Variants in PRSS23 observed in about 807,000 individuals in gnomAD.
PRSS23 encodes the protein protease, serine 23.
PRSS23 carries 25 observed loss-of-function variants against 34.7 expected under a neutral mutation model. The ratio of observed to expected loss-of-function variants is 0.72; its 90% confidence interval spans 0.53 to 1.01. The LOEUF (loss-of-function observed/expected upper bound fraction) is 1.01, where lower values mean the gene tolerates loss of function less well. Among genes scored for constraint, PRSS23 ranks in the 50% least tolerant of loss-of-function variants. PRSS23 has a pLI of 0.00. For missense variants in PRSS23, 445 were observed against 475.6 expected (o/e 0.94, Z 0.60); for synonymous variants, 176 against 186.6 (o/e 0.94, Z 0.46).
chr11:86,825,364 T>C (rs1173939983), intron 2 of PRSS23, among the ~76,000 whole-genome samples: 40 of 152,244 alleles, frequency 2.6e-4, no homozygotes, highest in African/African-American at 9.6e-4. Flanking sequence ...GAGTTCTTTG[T>C]AGATTCCGGA....
chr11:86,812,785 C>G (rs552664917), downstream of PRSS23, among the ~76,000 whole-genome samples: 5 of 102,204 alleles, frequency 4.9e-5, no homozygotes, highest in Admixed American at 5.6e-4. Context: ...GAGACTCTGT[C>G]TCAAAAAAAA....
chr11:86,851,934 A>G (rs1386380682), intron 2 of PRSS23, among the ~76,000 whole-genome samples: 1 of 152,184 alleles, frequency 6.6e-6, no homozygotes, highest in African/African-American at 2.4e-5. Flanking sequence ...AAAATTTTGA[A>G]TAACATTTCT....
At chr11:86,861,836 A>G (rs1046306610) in intron 2 of PRSS23, among the ~76,000 whole-genome samples, 7 of 151,930 alleles carry the variant, frequency 4.6e-5, no homozygotes, top group African/African-American at 1.7e-4. Flanking sequence ...TGTAATATCC[A>G]GAGTGGGAGA....
chr11:86,871,265 T>A (rs567030284), intron 2 of PRSS23, among the ~76,000 whole-genome samples: 1 of 152,292 alleles, frequency 6.6e-6, no homozygotes, highest in African/African-American at 2.4e-5. Context: ...CTTTTTAACA[T>A]CTCAGTTAAA....
At chr11:86,880,455 A>T (rs923207805) in intron 2 of PRSS23, among the ~76,000 whole-genome samples, 3 of 151,368 alleles carry the variant, frequency 2.0e-5, no homozygotes, top group East Asian at 2.0e-4. Flanking sequence ...AAAAAATAAA[A>T]AAAATAAAAA....
In PRSS23 at chr11:86,870,269, A is replaced by G. The variant is rs111999068; in HGVS notation, c.206+46676A>G. 4.9e-3 allele frequency among the ~76,000 whole-genome samples: 746 copies of G among 151,278 alleles called. 13 individuals are homozygous for G. Among genetic ancestry groups the G allele is most frequent in the African/African-American group, 0.018 (725 of 41,060 alleles). On this transcript the variant is annotated intron_variant, in intron 2 of 2. Coordinates refer to the PRSS23 transcript ENST00000533902. ...TTTTTAAGGGAGGGGAAAAAACAAC[A>G]ACAAAACCTACCAGAGCTGAAAGTC...
At chr11:86,880,154 CTGTGCTCTCTGAAGCA>C (rs1260747739) in intron 2 of PRSS23, among the ~76,000 whole-genome samples, 2 of 152,180 alleles carry the variant, frequency 1.3e-5, no homozygotes, top group South Asian at 4.1e-4. Context: ...ACCCCCAACC[CTGTGCTCTCTGAAGCA>C]TGTGCTGTGT....
chr11:86,840,062 C>T (rs575984736), intron 2 of PRSS23, among the ~76,000 whole-genome samples: 1 of 152,000 alleles, frequency 6.6e-6, no homozygotes, highest in East Asian at 1.9e-4. Context: ...AAATAACCAG[C>T]TAACATCATA....
In PRSS23 at chr11:86,824,830, T is replaced by C. The variant is rs181182085; in HGVS notation, c.206+1237T>C. On this transcript the variant is annotated intron_variant, in intron 2 of 2. Coordinates refer to the PRSS23 transcript ENST00000533902. Reference sequence around the variant, plus strand: ...GAACTCATCATTTTTTATGGCTGCATAGTATTCCATGATGTATATGTGCCA... The same window carrying C: ...GAACTCATCATTTTTTATGGCTGCACAGTATTCCATGATGTATATGTGCCA... Among the ~76,000 whole-genome samples the C allele has an allele frequency of 3.0e-3, 464 of 152,258 alleles. 3 individuals are homozygous for C. Among genetic ancestry groups the C allele is most frequent in the African/African-American group, 0.011 (449 of 41,548 alleles).
At chr11:86,821,887 G>T (rs113976551) in intron 1 of PRSS23, among the ~76,000 whole-genome samples, 2 of 152,086 alleles carry the variant, frequency 1.3e-5, no homozygotes, top group Non-Finnish European at 2.9e-5. Flanking sequence ...GAAGTAAAAT[G>T]GATGTATTAA....
At chr11:86,852,727 A>G (rs1220976198) in intron 2 of PRSS23, among the ~76,000 whole-genome samples, 1 of 152,114 alleles carries the variant, frequency 6.6e-6, no homozygotes, top group Non-Finnish European at 1.5e-5. Flanking sequence ...TGGAAAAGGG[A>G]CCCATTAACC....
chr11:86,928,778 T>C (rs1949102901), intron 2 of PRSS23, among the ~76,000 whole-genome samples: 1 of 148,100 alleles, frequency 6.8e-6, no homozygotes, highest in Admixed American at 6.8e-5. Context: ...TTTATTATTA[T>C]ATCAACAGAT....
chr11:86,950,080 T>C (rs904286116), intron 2 of PRSS23: 2 of 152,480 alleles, frequency 1.3e-5, no homozygotes, highest in Middle Eastern at 3.2e-3. Context: ...GTATACTATG[T>C]CATGGTCCAA....
intron 2 of PRSS23, among the ~76,000 whole-genome samples, chr11:86,873,233 T>TAC (rs752207615): frequency 1.5e-4 from 12 of 81,452 alleles, no homozygotes; most frequent in African/African-American, 6.6e-4. Context: ...TGTATATATA[T>TAC]ATACACACAC....
At chr11:86,821,360 A>G (rs1304793843) in intron 1 of PRSS23, 40 of 881,072 alleles carry the variant, frequency 4.5e-5, no homozygotes, top group South Asian at 4.2e-4. Flanking sequence ...TAGTGATCCT[A>G]GTTTTGCTAC....
At chr11:86,814,974 T>C (rs1191547786), downstream of PRSS23, among the ~76,000 whole-genome samples, 1 of 152,212 alleles carries the variant, frequency 6.6e-6, no homozygotes, top group African/African-American at 2.4e-5. Flanking sequence ...CACTGCCCCT[T>C]GTCTTCGGGC....
In PRSS23 at chr11:86,825,813, G is replaced by A. The variant is rs1233825790; in HGVS notation, c.206+2220G>A. On this transcript the variant is annotated intron_variant, in intron 2 of 2. Transcript: ENST00000533902. ...TGTAGATATGCGGCGTTATTTCTGA[G>A]GGCTCTGTTCTGTTCCATTGATCTA... Among the ~76,000 whole-genome samples the A allele has an allele frequency of 2.0e-5, 3 of 150,102 alleles. No individual in the cohort carries two copies. The East Asian group carries it at 5.9e-4, about 29-fold the overall frequency.
rs754129197 is a variant in PRSS23, at chr11:86,808,488, A to G, written c.845A>G (p.Tyr282Cys). The change falls in exon 2 of 2, where the codon TAT becomes TGT. Residue 282 changes from tyrosine to cysteine, a missense_variant. By Grantham distance (194) the Tyr-to-Cys change is radical. Transcript: ENST00000280258. ...LPGGRIHFSG[Y>C]DNDRPGNLVY... The stretch of plus-strand genomic sequence containing the variant: ...GGGGGCAGAATTCACTTCTCTGGTT[A>G]TGACAATGACCGACCAGGCAATTTG... 1 of 1,614,198 alleles carries G rather than the reference A, an allele frequency of 6.2e-7. No homozygotes were observed. Among genetic ancestry groups the G allele is most frequent in the Admixed American group, 1.7e-5 (1 of 60,028 alleles).
chr11:86,815,541 C>T (rs1322788460), downstream of PRSS23, among the ~76,000 whole-genome samples: 2 of 152,114 alleles, frequency 1.3e-5, no homozygotes, highest in Non-Finnish European at 2.9e-5. Context: ...CAAACACATC[C>T]CAGAATAAAA....
Sources: gnomAD v4.1 joint callset for allele counts (sites outside exome capture counted in the v4.1 genomes callset) on GRCh38, gnomAD v4.1.1 for gene constraint, MANE v1.5 for transcripts, NCBI Gene and HGNC (gene_info 2026-07-23, HGNC 2026-07-21) for gene names.